ERBB4: variants seen among roughly 807,000 people sequenced by gnomAD.
The protein encoded by ERBB4 is erb-b2 receptor tyrosine kinase 4.
In ERBB4, 42 loss-of-function variants were observed where a neutral mutation model predicts 158.0. The ratio of observed to expected loss-of-function variants is 0.27; its 90% confidence interval spans 0.21 to 0.34. The LOEUF (loss-of-function observed/expected upper bound fraction) is 0.34. Among genes scored for constraint, ERBB4 ranks in the 10% least tolerant of loss-of-function variants. The pLI is 1.00. For missense variants in ERBB4, 1,333 were observed against 1,624.1 expected (o/e 0.82, Z 3.08); for synonymous variants, 583 against 558.7 (o/e 1.04, Z -0.61).
chr2:212,045,216 T>G (rs2077231900), intron 2 of ERBB4, among the ~76,000 whole-genome samples: 1 of 152,114 alleles, frequency 6.6e-6, no homozygotes, highest in East Asian at 1.9e-4. Context: ...TCCCAGCGCT[T>G]TGGGAGGCCA....
intron 1 of ERBB4, among the ~76,000 whole-genome samples, chr2:212,126,791 A>G (rs1361028772): frequency 1.3e-5 from 2 of 152,184 alleles, no homozygotes; most frequent in African/African-American, 4.8e-5. Flanking sequence ...ATGATGCCTG[A>G]TGTTGTTTTC....
intron 16 of ERBB4, among the ~76,000 whole-genome samples, chr2:211,647,175 T>G (rs1403352131): frequency 6.6e-6 from 1 of 151,574 alleles, no homozygotes; most frequent in Non-Finnish European, 1.5e-5. Flanking sequence ...CATATGTTCT[T>G]TTCCTCTTAA....
chr2:211,505,612 C>T (rs1057479529), intron 20 of ERBB4, among the ~76,000 whole-genome samples: 4 of 151,780 alleles, frequency 2.6e-5, no homozygotes, highest in Non-Finnish European at 5.9e-5. Flanking sequence ...AGGAACAAAA[C>T]GTCACATATC....
chr2:211,833,308 G>T (rs989837920), intron 3 of ERBB4, among the ~76,000 whole-genome samples: 1 of 152,134 alleles, frequency 6.6e-6, no homozygotes, highest in East Asian at 1.9e-4. Context: ...GTCTAAGGAC[G>T]TCTTAGTTTT....
Position 212,392,602 on chromosome 2 carries a change from A to T in ERBB4, c.82+145847T>A, listed in dbSNP as rs2090909635. Among the ~76,000 whole-genome samples, 3 of 152,088 alleles carry T rather than the reference A, an allele frequency of 2.0e-5. No individual in the cohort carries two copies. In the South Asian group the frequency reaches 6.2e-4, roughly 32 times the overall value. On this transcript the variant is annotated intron_variant, in intron 1 of 27. Transcript: ENST00000342788. The stretch of plus-strand genomic sequence containing the variant: ...GGGCAAAGAGATATTTAATGCAAGC[A>T]AGTAAATTAAAATGTCATTCGATAT...
chr2:211,439,823 T>C (rs961746437), intron 20 of ERBB4, among the ~76,000 whole-genome samples: 1 of 152,184 alleles, frequency 6.6e-6, no homozygotes, highest in Admixed American at 6.6e-5. Context: ...AAGCAAACCC[T>C]GCCACATTTA....
chr2:212,122,959 TAG>T (rs1400289062), intron 2 of ERBB4, among the ~76,000 whole-genome samples: 1 of 152,216 alleles, frequency 6.6e-6, no homozygotes, highest in Admixed American at 6.5e-5. Context: ...TCCAATCTAA[TAG>T]ACTGTTTAAA....
At chr2:212,120,633 G>A (rs1056845310) in intron 2 of ERBB4, among the ~76,000 whole-genome samples, 1 of 152,078 alleles carries the variant, frequency 6.6e-6, no homozygotes, top group South Asian at 2.1e-4. Context: ...AAAACACTAC[G>A]ACCTCACTAG....
At chr2:211,768,560 T>A (rs2075614216) in intron 4 of ERBB4, among the ~76,000 whole-genome samples, 1 of 152,220 alleles carries the variant, frequency 6.6e-6, no homozygotes, top group South Asian at 2.1e-4. Context: ...GCAGAGGTTC[T>A]CAAACCTCAA....
At chr2:212,265,780 T>C (rs1057278786) in intron 1 of ERBB4, among the ~76,000 whole-genome samples, 1 of 152,102 alleles carries the variant, frequency 6.6e-6, no homozygotes, top group Non-Finnish European at 1.5e-5. Flanking sequence ...AATCCATCAA[T>C]TACTTTGTCT....
chr2:211,713,566 C>A lies in ERBB4; in HGVS notation c.966G>T (p.Met322Ile). Residue 322 changes from methionine to isoleucine, a missense_variant, in exon 8 of 28, where the codon ATG becomes ATT. By Grantham distance (10) the Met-to-Ile change is conservative. Transcript: ENST00000342788. ...GGCAAATGTCAGTGCAAGGTTTACA[C>A]ATTTTAATCCCATTTTCTTCTACTT... The part of the protein sequence containing the change: ...KMEVEENGIK[M>I]CKPCTDICPK... 6.2e-7 allele frequency: 1 copy of A among 1,610,764 alleles called. No individual in the cohort carries two copies. The highest frequency in any genetic ancestry group is 1.3e-5 in the African/African-American group (1 of 74,730).
At chr2:211,786,186 T>C (rs868416133) in intron 4 of ERBB4, among the ~76,000 whole-genome samples, 32 of 152,234 alleles carry the variant, frequency 2.1e-4, no homozygotes, top group Middle Eastern at 3.4e-3. Context: ...GAGTGATTGG[T>C]TGGTGGTATG....
chr2:211,861,086 A>G (rs1346631635), intron 3 of ERBB4, among the ~76,000 whole-genome samples: 1 of 48,758 alleles, frequency 2.1e-5, no homozygotes, highest in Admixed American at 3.2e-4. Flanking sequence ...ATATATTATA[A>G]AATATATAAA....
At chr2:211,589,085 C>G (rs975861428) in intron 19 of ERBB4, among the ~76,000 whole-genome samples, 2 of 152,128 alleles carry the variant, frequency 1.3e-5, no homozygotes, top group African/African-American at 2.4e-5. Flanking sequence ...TTATCACAGG[C>G]AATTATCAGC....
intron 20 of ERBB4, among the ~76,000 whole-genome samples, chr2:211,521,845 T>A (rs2066194252): frequency 6.6e-6 from 1 of 152,150 alleles, no homozygotes; most frequent in Non-Finnish European, 1.5e-5. Flanking sequence ...AAGGCCCAGA[T>A]GACAGCACAT....
intron 25 of ERBB4, among the ~76,000 whole-genome samples, chr2:211,394,101 A>G (rs1225770641): frequency 2.0e-5 from 3 of 152,280 alleles, no homozygotes; most frequent in East Asian, 3.9e-4. Context: ...ATTCATGGCT[A>G]AATGAGTCAA....
At chr2:211,772,953 A>T (rs76283713) in intron 4 of ERBB4, among the ~76,000 whole-genome samples, 44,291 of 76,884 alleles carry the variant, frequency 0.58, 13,410 homozygotes, top group Non-Finnish European at 0.6. Context: ...ATATATATAT[A>T]TATTTTTTTT....
chr2:212,115,028 C>A (rs1288417455), intron 2 of ERBB4, among the ~76,000 whole-genome samples: 1 of 152,086 alleles, frequency 6.6e-6, no homozygotes, highest in African/African-American at 2.4e-5. Flanking sequence ...AGAGGATTTA[C>A]TTTAACATTC....
At chr2:212,533,065 TAACC>T (rs1692842520) in intron 1 of ERBB4, among the ~76,000 whole-genome samples, 1 of 152,194 alleles carries the variant, frequency 6.6e-6, no homozygotes, top group Non-Finnish European at 1.5e-5. Context: ...TATTTCAGAA[TAACC>T]AACAACTCAG....
Sources: allele counts gnomAD v4.1 joint callset (sites outside exome capture counted in the v4.1 genomes callset), GRCh38; gene constraint gnomAD v4.1.1; transcripts MANE v1.5; gene names NCBI Gene and HGNC (gene_info 2026-07-23, HGNC 2026-07-21).